NDRG3: variants seen among roughly 807,000 people sequenced by gnomAD.
NDRG3 encodes NDRG family member 3, also known as protein NDRG3.
In NDRG3, 23 loss-of-function variants were observed where a neutral mutation model predicts 57.2. The observed-to-expected ratio is 0.40, with a 90% CI of 0.29 to 0.57. The LOEUF (loss-of-function observed/expected upper bound fraction) is 0.57. NDRG3 is among the 20% of genes least tolerant of loss of function. The probability of loss-of-function intolerance (pLI) is 0.42; values close to 1 mark genes in which losing one functional copy is unlikely to be tolerated. For missense variants in NDRG3, 384 were observed against 457.3 expected (o/e 0.84, Z 1.46); for synonymous variants, 132 against 162.6 (o/e 0.81, Z 1.43).
chr20:36,743,809 C>T (rs1481328023), intron 1 of NDRG3, among the ~76,000 whole-genome samples: 1 of 151,150 alleles, frequency 6.6e-6, no homozygotes, highest in Non-Finnish European at 1.5e-5. Flanking sequence ...CAGAGCGAGA[C>T]TCCGTCTCAA....
intron 8 of NDRG3, among the ~76,000 whole-genome samples, chr20:36,678,530 A>C (rs1427091483): frequency 6.6e-6 from 1 of 152,028 alleles, no homozygotes; most frequent in African/African-American, 2.4e-5. Context: ...AAAATACAAA[A>C]ATGAGCCAGG....
chr20:36,698,724 T>G (rs1048876322), intron 3 of NDRG3, among the ~76,000 whole-genome samples: 65 of 151,996 alleles, frequency 4.3e-4, no homozygotes, highest in African/African-American at 1.5e-3. Context: ...TATTCATCAA[T>G]GGGGAAATTA....
intron 1 of NDRG3, among the ~76,000 whole-genome samples, chr20:36,723,649 A>AT (rs1249572215): frequency 4.2e-5 from 6 of 144,428 alleles, no homozygotes; most frequent in Non-Finnish European, 9.0e-5. Flanking sequence ...CCTTCAAAAG[A>AT]TATTAGTCTA....
intron 5 of NDRG3, among the ~76,000 whole-genome samples, chr20:36,684,774 G>A (rs560224298): frequency 6.6e-6 from 1 of 151,980 alleles, no homozygotes; most frequent in South Asian, 2.1e-4. Context: ...GCTTGAACCT[G>A]AGAGGCGGAG....
At chr20:36,654,605 G>T (rs1978487485) in intron 15 of NDRG3, among the ~76,000 whole-genome samples, 1 of 152,202 alleles carries the variant, frequency 6.6e-6, no homozygotes, top group Non-Finnish European at 1.5e-5. Flanking sequence ...GACAAGAGGA[G>T]GCCTGCCCCT....
chr20:36,699,490 C>T (rs1262042229), intron 3 of NDRG3, among the ~76,000 whole-genome samples: 7 of 152,136 alleles, frequency 4.6e-5, no homozygotes, highest in Non-Finnish European at 8.8e-5. Flanking sequence ...GAGCGTCCGA[C>T]AACTTGTCAC....
intron 5 of NDRG3, among the ~76,000 whole-genome samples, chr20:36,684,864 AT>A (rs889847712): frequency 1.1e-4 from 16 of 151,850 alleles, no homozygotes; most frequent in African/African-American, 3.6e-4. Flanking sequence ...AAAAAAAAAA[AT>A]CTTAGATAAA....
At chr20:36,698,815 A>T (rs1021202309) in intron 3 of NDRG3, among the ~76,000 whole-genome samples, 25 of 152,282 alleles carry the variant, frequency 1.6e-4, no homozygotes, top group Non-Finnish European at 3.5e-4. Flanking sequence ...CACACAGAAA[A>T]TCTTCAAAAA....
intron 3 of NDRG3, among the ~76,000 whole-genome samples, chr20:36,695,579 G>T (rs1343654680): frequency 6.6e-6 from 1 of 152,226 alleles, no homozygotes; most frequent in Non-Finnish European, 1.5e-5. Context: ...TGCAGTTGTA[G>T]ATAGGGATGA....
intron 3 of NDRG3, among the ~76,000 whole-genome samples, chr20:36,697,831 T>C (rs1228511679): frequency 6.6e-6 from 1 of 152,208 alleles, no homozygotes; most frequent in East Asian, 1.9e-4. Context: ...GTAATAGATT[T>C]GTGTATATTT....
chr20:36,668,726 CAT>C (rs1359784809), intron 9 of NDRG3: 2 of 151,526 alleles, frequency 1.3e-5, no homozygotes, highest in South Asian at 2.1e-4. Context: ...ACTATGACCT[CAT>C]ATGTTTTAAA....
intron 1 of NDRG3, among the ~76,000 whole-genome samples, chr20:36,735,911 T>A (rs570113130): frequency 4.7e-5 from 7 of 147,544 alleles, no homozygotes; most frequent in African/African-American, 1.8e-4. Context: ...GGGGTGGAGG[T>A]TGCAGTGAGC....
chr20:36,664,878 AG>A (rs1979488712), intron 12 of NDRG3, among the ~76,000 whole-genome samples, 167 bp downstream of exon 12: 1 of 152,044 alleles, frequency 6.6e-6, no homozygotes, highest in Non-Finnish European at 1.5e-5. Context: ...TTGTAGAGTT[AG>A]GGTCCCACTG....
At chr20:36,708,647 C>CAAAAAAAA (rs746647555) in intron 2 of NDRG3, among the ~76,000 whole-genome samples, 3 of 62,622 alleles carry the variant, frequency 4.8e-5, no homozygotes, top group Non-Finnish European at 9.2e-5. Flanking sequence ...GACTCCGTCT[C>CAAAAAAAA]AAAAAAAAAA....
intron 13 of NDRG3, 63 bp from the exon 14 acceptor site, chr20:36,656,595 C>G (rs1978695421): frequency 6.4e-7 from 1 of 1,572,950 alleles, no homozygotes; most frequent in Non-Finnish European, 8.7e-7. Context: ...CTCTGAACAC[C>G]CCAAGTCCTT....
chr20:36,665,020 T>C, intron 12 of NDRG3, 26 bp downstream of exon 12: 1 of 1,611,066 alleles, frequency 6.2e-7, no homozygotes, highest in East Asian at 2.2e-5. Flanking sequence ...ATCTCATTCA[T>C]CTTCACAGCA....
rs892926231 is a variant in NDRG3, at chr20:36,675,863, G to A, written c.532-4466C>T. Among the ~76,000 whole-genome samples, 6 of 152,156 alleles carry A rather than the reference G, an allele frequency of 3.9e-5. No individual in the cohort carries two copies. The East Asian group carries it at 1.2e-3, about 29-fold the overall frequency. ...TGATACATTTGACAAGTTGGGTGGT[G>A]GTATTTTGGAGACTTTATCCTGCAA... On this transcript the variant is annotated intron_variant, in intron 8 of 15. Coordinates refer to ENST00000349004, the MANE Select transcript of NDRG3 (RefSeq NM_032013.4).
At chr20:36,718,484 A>C (rs1189617558) in intron 2 of NDRG3, among the ~76,000 whole-genome samples, 1 of 152,226 alleles carries the variant, frequency 6.6e-6, no homozygotes, top group Non-Finnish European at 1.5e-5. Flanking sequence ...GGGCTGTCAT[A>C]ACAAAATAAC....
At chr20:36,684,068 CA>C (rs1981566381) in intron 6 of NDRG3, among the ~76,000 whole-genome samples, 2 of 152,156 alleles carry the variant, frequency 1.3e-5, no homozygotes, top group Non-Finnish European at 2.9e-5. Flanking sequence ...GATCACAACT[CA>C]CTGTAGCCTT....
Sources: gnomAD v4.1 joint callset for allele counts (sites outside exome capture counted in the v4.1 genomes callset) on GRCh38, gnomAD v4.1.1 for gene constraint, MANE v1.5 for transcripts, NCBI Gene and HGNC (gene_info 2026-07-23, HGNC 2026-07-21) for gene names.